TRIO: variants seen among roughly 807,000 people sequenced by gnomAD.
TRIO encodes the protein trio Rho guanine nucleotide exchange factor, also known as triple functional domain protein.
A neutral mutation model predicts 351.9 loss-of-function variants in TRIO; 58 were observed. The ratio of observed to expected loss-of-function variants is 0.16; its 90% CI spans 0.13 to 0.21. TRIO has a LOEUF of 0.21. Ranked by LOEUF, TRIO falls within the 10% of genes least tolerant of loss-of-function variation. The pLI, the probability that TRIO is intolerant of heterozygous loss-of-function variation, is 1.00. For synonymous variants in TRIO, 1,758 were observed against 1,595.7 expected (o/e 1.10, Z -2.42); for missense variants, 3,201 against 4,027.8 (o/e 0.79, Z 5.56).
chr5:14,255,641 C>T (rs34800564), intron 1 of TRIO, among the ~76,000 whole-genome samples: 72 of 152,270 alleles, frequency 4.7e-4, no homozygotes, highest in Non-Finnish European at 8.8e-4. Flanking sequence ...TGAGACATCT[C>T]GAGGATGAGA....
At chr5:14,477,373 A>G (rs2126583585) in intron 41 of TRIO, 1 of 154,088 alleles carries the variant, frequency 6.5e-6, no homozygotes. Context: ...AAAAATCATG[A>G]TATATTTTTA....
chr5:14,190,404 T>G (rs1168484696), intron 1 of TRIO, among the ~76,000 whole-genome samples: 1 of 152,164 alleles, frequency 6.6e-6, no homozygotes, highest in Non-Finnish European at 1.5e-5. Flanking sequence ...ATGCAGATAC[T>G]GAAAACTATT....
intron 1 of TRIO, among the ~76,000 whole-genome samples, chr5:14,161,986 T>A (rs1221499393): frequency 2.6e-5 from 4 of 152,214 alleles, no homozygotes; most frequent in African/African-American, 9.6e-5. Context: ...CCTGAAGTGC[T>A]GGGATTCCAG....
intron 31 of TRIO, among the ~76,000 whole-genome samples, chr5:14,402,697 G>A (rs1748183812): frequency 6.7e-6 from 1 of 149,554 alleles, no homozygotes; most frequent in Non-Finnish European, 1.5e-5. Flanking sequence ...TTTGGTGATG[G>A]GGGTATGGGT....
At position 14,350,578 on chromosome 5, in the gene TRIO, G is replaced by A. The variant is rs112748447; in HGVS notation, c.2047-7600G>A. On this transcript the variant is annotated intron_variant, in intron 11 of 56. Transcript: ENST00000344204. The stretch of plus-strand genomic sequence containing the variant: ...CTGTGCCTTATCTGTACTCAGTCTC[G>A]CACCTCTGCAGGGCATCTACCCTCT... Among the ~76,000 whole-genome samples, 78 of 152,178 alleles carry A rather than the reference G, an allele frequency of 5.1e-4. 1 individual carries two copies. Among genetic ancestry groups the A allele is most frequent in the Middle Eastern group, 3.4e-3 (1 of 294 alleles).
intron 7 of TRIO, among the ~76,000 whole-genome samples, chr5:14,303,593 T>C (rs966560478): frequency 5.0e-5 from 7 of 138,906 alleles, no homozygotes; most frequent in African/African-American, 8.3e-5. Context: ...TGAACCAGGA[T>C]TGGGATGGCA....
At chr5:14,355,338 T>A (rs1210747731) in intron 11 of TRIO, among the ~76,000 whole-genome samples, 1 of 152,238 alleles carries the variant, frequency 6.6e-6, no homozygotes, top group Non-Finnish European at 1.5e-5. Context: ...GTTCAGTTAA[T>A]TTAAGTCCAT....
intron 9 of TRIO, among the ~76,000 whole-genome samples, chr5:14,328,040 G>A (rs1333864156): frequency 6.6e-6 from 1 of 152,212 alleles, no homozygotes; most frequent in Non-Finnish European, 1.5e-5. Flanking sequence ...CTAAATACAT[G>A]AGTTAAAATA....
intron 11 of TRIO, among the ~76,000 whole-genome samples, chr5:14,355,247 G>GAAACATTA (rs1327020528): frequency 2.0e-5 from 3 of 152,218 alleles, no homozygotes; most frequent in Admixed American, 6.5e-5. Flanking sequence ...AAACATTACA[G>GAAACATTA]CCTTGTTCTG....
At chr5:14,387,167 G>A (rs964840716) in intron 21 of TRIO, among the ~76,000 whole-genome samples, 11 of 152,212 alleles carry the variant, frequency 7.2e-5, no homozygotes, top group African/African-American at 2.4e-4. Context: ...TTTTTACTAA[G>A]CACCTCCTAG....
intron 1 of TRIO, among the ~76,000 whole-genome samples, chr5:14,159,105 C>T (rs552690900): frequency 2.4e-4 from 37 of 152,262 alleles, no homozygotes; most frequent in African/African-American, 8.4e-4. Context: ...GTGCTGGTGT[C>T]TCCTACTCTG....
In TRIO at chr5:14,202,328, TTTG is replaced by T. The variant is rs1561196371; in HGVS notation, c.157+58447_157+58449del. 2.5e-5 allele frequency among the ~76,000 whole-genome samples: 2 copies of T among 81,448 alleles called. 1 individual carries two copies. Among genetic ancestry groups the T allele is most frequent in the African/African-American group, 8.4e-5 (2 of 23,948 alleles). The allele number at this position is 81,448 out of a possible 152,430, so 53.4% of individuals were successfully genotyped here. On this transcript the variant is annotated intron_variant, in intron 1 of 56. Coordinates refer to ENST00000344204, the MANE Select transcript of TRIO (RefSeq NM_007118.4). Reference sequence around the variant, plus strand: ...TTTTTTTTTTTTTTTTTTTTTTTTTTTTGCTCATCAGCTATCGTTAGTATTGGT... The same window carrying T: ...TTTTTTTTTTTTTTTTTTTTTTTTTTCTCATCAGCTATCGTTAGTATTGGT...
At chr5:14,338,763 A>G (rs1029212136) in intron 11 of TRIO, among the ~76,000 whole-genome samples, 72 of 152,288 alleles carry the variant, frequency 4.7e-4, no homozygotes, top group African/African-American at 1.7e-3. Context: ...AGAGGCAGGA[A>G]GAGTGTCAGG....
intron 11 of TRIO, 108 bp downstream of exon 11, chr5:14,336,835 AG>A: frequency 8.1e-7 from 1 of 1,238,794 alleles, no homozygotes; most frequent in Non-Finnish European, 1.1e-6. Flanking sequence ...AAAGGTGGCA[AG>A]TTGTAAGATG....
chr5:14,498,361 C>G (rs1292296594), intron 52 of TRIO, 110 bp downstream of exon 52: 1 of 1,520,724 alleles, frequency 6.6e-7, no homozygotes, highest in Admixed American at 2.0e-5. Flanking sequence ...GCCTTCGGCA[C>G]TCCACTTCTT....
intron 3 of TRIO, among the ~76,000 whole-genome samples, chr5:14,285,749 G>C (rs541324204): frequency 2.0e-5 from 3 of 152,154 alleles, no homozygotes; most frequent in Non-Finnish European, 4.4e-5. Flanking sequence ...TTATGTTTGG[G>C]GAAAACCACA....
chr5:14,458,372 T>C (rs541341046), intron 34 of TRIO, among the ~76,000 whole-genome samples: 26 of 152,190 alleles, frequency 1.7e-4, no homozygotes, highest in Non-Finnish European at 2.9e-4. Context: ...GGAGCTTTTA[T>C]CCATTCTCCT....
At chr5:14,179,045 G>A (rs1041238414) in intron 1 of TRIO, among the ~76,000 whole-genome samples, 2 of 152,022 alleles carry the variant, frequency 1.3e-5, no homozygotes, top group African/African-American at 2.4e-5. Flanking sequence ...CCCCACCCCC[G>A]CAGAAGCCGG....
In TRIO at chr5:14,510,151, T is replaced by C. The variant is rs1332796733; in HGVS notation, c.*1729T>C. On this transcript the variant is annotated 3_prime_UTR_variant, in exon 57 of 57. Coordinates refer to ENST00000344204, the MANE Select transcript of TRIO (RefSeq NM_007118.4). Reference sequence around the variant, plus strand: ...CATGTTTACACAGTATGATGTGATGTAAATATTTTATTTTGCCATCAGTTA... The same window carrying C: ...CATGTTTACACAGTATGATGTGATGCAAATATTTTATTTTGCCATCAGTTA... 1 of 152,270 alleles carries C rather than the reference T, an allele frequency of 6.6e-6. No homozygotes were observed. The highest frequency in any genetic ancestry group is 1.9e-4 in the East Asian group (1 of 5,206). 9.4% of individuals were successfully genotyped at this position (152,270 alleles called of 1,614,324 possible). A position where few individuals can be genotyped will look rare whatever the true frequency, so the allele number is the denominator to read the frequency against.
Sources: gnomAD v4.1 joint callset for allele counts (sites outside exome capture counted in the v4.1 genomes callset) on GRCh38, gnomAD v4.1.1 for gene constraint, MANE v1.5 for transcripts, NCBI Gene and HGNC (gene_info 2026-07-23, HGNC 2026-07-21) for gene names.